Variants in ATG7 observed in about 807,000 individuals in gnomAD.
The protein encoded by ATG7 is ubiquitin-like modifier-activating enzyme ATG7.
In ATG7, 70 loss-of-function variants were observed where a neutral mutation model predicts 82.4. The observed-to-expected ratio is 0.85, with a 90% CI of 0.70 to 1.04. ATG7 has a LOEUF of 1.04. ATG7 is among the 50% of genes least tolerant of loss of function. The pLI is 0.00. For synonymous variants in ATG7, 287 were observed against 313.0 expected, an observed-to-expected ratio of 0.92 and a Z score of 0.88; for missense variants, 792 against 864.3, an observed-to-expected ratio of 0.92 and a Z score of 1.05.
At chr3:11,545,278 G>A (rs1366542819) in intron 20 of ATG7, among the ~76,000 whole-genome samples, 1 of 152,206 alleles carries the variant, frequency 6.6e-6, no homozygotes, top group African/African-American at 2.4e-5. Context: ...TGGGAAAGAT[G>A]ATGGGATTGT....
At chr3:11,520,567 AACAC>A (rs755940027) in intron 20 of ATG7, among the ~76,000 whole-genome samples, 10 of 152,038 alleles carry the variant, frequency 6.6e-5, no homozygotes, top group Non-Finnish European at 1.3e-4. Flanking sequence ...GCCCTGGAGG[AACAC>A]ACACACAGGC....
intron 20 of ATG7, chr3:11,477,314 G>T: frequency 2.5e-6 from 3 of 1,191,222 alleles, no homozygotes; most frequent in South Asian, 3.2e-5. Flanking sequence ...AAGAATTTTT[G>T]TGCTACAAAC....
At chr3:11,328,156 A>G (rs748360171) in intron 9 of ATG7, among the ~76,000 whole-genome samples, 6 of 152,254 alleles carry the variant, frequency 3.9e-5, no homozygotes, top group Non-Finnish European at 8.8e-5. Flanking sequence ...TTCTGAGTCT[A>G]TCACCAATAA....
At chr3:11,506,826 T>G (rs2091761038) in intron 20 of ATG7, among the ~76,000 whole-genome samples, 2 of 152,126 alleles carry the variant, frequency 1.3e-5, no homozygotes, top group Admixed American at 6.5e-5. Context: ...GTCTAGAACT[T>G]GATGGGTGCT....
At chr3:11,307,485 T>C (rs1238447619) in intron 6 of ATG7, among the ~76,000 whole-genome samples, 1 of 152,240 alleles carries the variant, frequency 6.6e-6, no homozygotes, top group East Asian at 1.9e-4. Flanking sequence ...GTCTCTGCAG[T>C]GTCTTCACTT....
chr3:11,377,712 TGAA>T (rs1230653604), intron 18 of ATG7, among the ~76,000 whole-genome samples: 1 of 152,228 alleles, frequency 6.6e-6, no homozygotes, highest in African/African-American at 2.4e-5. Flanking sequence ...CTAAATGTGA[TGAA>T]GTTCTTTTCT....
intron 19 of ATG7, among the ~76,000 whole-genome samples, chr3:11,425,681 A>G (rs1436253581): frequency 6.6e-6 from 1 of 151,352 alleles, no homozygotes; most frequent in East Asian, 1.9e-4. Flanking sequence ...TGTAAGGATA[A>G]CATATATCCA....
the ATG7 span, among the ~76,000 whole-genome samples, chr3:11,570,204 G>A: frequency 2.6e-5 from 4 of 151,976 alleles, no homozygotes; most frequent in African/African-American, 7.3e-5. Flanking sequence ...CGGCCCTGTG[G>A]CATCAGCCGC....
chr3:11,317,438 C>A (rs993608395), intron 9 of ATG7, among the ~76,000 whole-genome samples: 2 of 152,176 alleles, frequency 1.3e-5, no homozygotes. Flanking sequence ...GGGACTTTCA[C>A]ATACTTGATC....
intron 20 of ATG7, among the ~76,000 whole-genome samples, chr3:11,513,426 A>G (rs889053873): frequency 1.3e-5 from 2 of 152,232 alleles, no homozygotes; most frequent in Non-Finnish European, 2.9e-5. Context: ...AATTGAGCGC[A>G]GCACCAGTGG....
intron 20 of ATG7, among the ~76,000 whole-genome samples, chr3:11,468,811 C>T (rs1013337906): frequency 2.0e-5 from 3 of 152,204 alleles, no homozygotes; most frequent in Admixed American, 1.3e-4. Flanking sequence ...TCGGTTTCAT[C>T]AGACTCTCAA....
At chr3:11,424,350 TTAAA>T (rs2082183974) in intron 19 of ATG7, among the ~76,000 whole-genome samples, 1 of 152,072 alleles carries the variant, frequency 6.6e-6, no homozygotes, top group Non-Finnish European at 1.5e-5. Flanking sequence ...ATATTCAATG[TTAAA>T]TAATATTGTT....
chr3:11,474,748 G>A (rs141005188), intron 20 of ATG7, among the ~76,000 whole-genome samples: 54 of 152,338 alleles, frequency 3.5e-4, no homozygotes, highest in East Asian at 7.7e-4. Context: ...AGCTGAGCCC[G>A]GAATGCAAAG....
chr3:11,575,597 T>C, the ATG7 span, among the ~76,000 whole-genome samples: 2 of 152,178 alleles, frequency 1.3e-5, no homozygotes, highest in Admixed American at 6.5e-5. Flanking sequence ...CAGTGTGCAC[T>C]TACCCAGCGG....
chr3:11,375,653 G>A (rs1263547708), intron 18 of ATG7, among the ~76,000 whole-genome samples: 2 of 152,182 alleles, frequency 1.3e-5, no homozygotes, highest in Non-Finnish European at 2.9e-5. Flanking sequence ...TCTGCCTTCC[G>A]GTTTCAAGCA....
intron 20 of ATG7, among the ~76,000 whole-genome samples, chr3:11,445,992 A>C (rs1195300673): frequency 1.3e-5 from 2 of 152,084 alleles, no homozygotes; most frequent in East Asian, 3.9e-4. Context: ...ATGCTTGTGT[A>C]GCCCCTGTGA....
chr3:11,286,559 G>GTTTTTTTTTTTTTT (rs1944045502), intron 3 of ATG7, among the ~76,000 whole-genome samples: 1 of 110,902 alleles, frequency 9.0e-6, no homozygotes, highest in Non-Finnish European at 1.9e-5. Context: ...TTTTTTTTTT[G>GTTTTTTTTTTTTTT]TCTTTTCTTT....
At chr3:11,284,305 A>C (rs1348735535) in intron 3 of ATG7, among the ~76,000 whole-genome samples, 3 of 152,136 alleles carry the variant, frequency 2.0e-5, no homozygotes, top group Non-Finnish European at 2.9e-5. Context: ...TCCAGGAAGC[A>C]CTCCTGCTTC....
At chr3:11,558,473 T>TG, downstream of ATG7, 1 of 751,604 alleles carries the variant, frequency 1.3e-6, no homozygotes, top group Non-Finnish European at 1.9e-6. Context: ...CCCACCCCCA[T>TG]GATTTTTTTT....
Sources: gnomAD v4.1 joint callset for allele counts (sites outside exome capture counted in the v4.1 genomes callset) on GRCh38, gnomAD v4.1.1 for gene constraint, MANE v1.5 for transcripts, NCBI Gene and HGNC (gene_info 2026-07-23, HGNC 2026-07-21) for gene names.